STRADA: variants seen among roughly 807,000 people sequenced by gnomAD.
The protein encoded by STRADA is STE20-related kinase adapter protein alpha.
Under a neutral mutation model 55.0 loss-of-function variants are expected in STRADA, and 26 were observed. The ratio of observed to expected loss-of-function variants is 0.47; its 90% confidence interval spans 0.35 to 0.66. The LOEUF is 0.66. Ranked by LOEUF, STRADA falls within the 30% of genes least tolerant of loss-of-function variation. The pLI is 0.01. For missense variants in STRADA, 443 were observed against 549.7 expected, an observed-to-expected ratio of 0.81 and a Z score of 1.94; for synonymous variants, 197 against 210.9, an observed-to-expected ratio of 0.93 and a Z score of 0.57.
At chr17:63,713,262 G>T in intron 6 of STRADA, 144 bp downstream of exon 6, 1 of 1,089,338 alleles carries the variant, frequency 9.2e-7, no homozygotes, top group Non-Finnish European at 1.3e-6. Context: ...CCAATCCTTA[G>T]TGCCAAATGG....
rs750988968 is a variant in STRADA, at chr17:63,703,970, C to A, written c.1143+35G>T. ...GGATTGTGAGTTGTTAGAACCAGAA[C>A]TAGAACCAGAACCAGAACGAAGGGG... On this transcript the variant is annotated intron_variant, in intron 12 of 12. Coordinates refer to ENST00000336174, the MANE Select transcript of STRADA (RefSeq NM_001003787.4). 8.1e-6 allele frequency: 13 copies of A among 1,601,606 alleles called. No individual in the cohort carries two copies. The African/African-American group carries it at 1.8e-4, about 22-fold the overall frequency.
intron 1 of STRADA, among the ~76,000 whole-genome samples, chr17:63,738,499 G>T (rs1211285593): frequency 2.6e-5 from 4 of 152,052 alleles, no homozygotes; most frequent in African/African-American, 9.7e-5. Flanking sequence ...CCTGTCAGTG[G>T]AAAGTCTAAA....
At chr17:63,706,599 G>A (rs1395430347) in intron 10 of STRADA, 36 bp downstream of exon 10, 4 of 1,499,536 alleles carry the variant, frequency 2.7e-6, no homozygotes, top group Non-Finnish European at 3.7e-6. Flanking sequence ...TGGAAGGCAA[G>A]CAGGCAAGAA....
At chr17:63,707,779 G>A (rs1472081689) in intron 8 of STRADA, among the ~76,000 whole-genome samples, 3 of 151,062 alleles carry the variant, frequency 2.0e-5, no homozygotes, top group Non-Finnish European at 4.4e-5. Flanking sequence ...CGCACAGACT[G>A]GAGTGTAGTG....
chr17:63,740,147 T>TATATAC (rs1401201419), intron 1 of STRADA, among the ~76,000 whole-genome samples: 2 of 67,010 alleles, frequency 3.0e-5, no homozygotes, highest in African/African-American at 6.9e-5. Flanking sequence ...TATATATATA[T>TATATAC]ACACACACAC....
At chr17:63,703,911 C>G (rs983363758) in intron 12 of STRADA, 94 bp downstream of exon 12, 6 of 1,606,882 alleles carry the variant, frequency 3.7e-6, no homozygotes, top group Non-Finnish European at 2.5e-6. Context: ...GGGGTAGTTT[C>G]TCTCATTCAA....
intron 1 of STRADA, among the ~76,000 whole-genome samples, chr17:63,729,733 G>A (rs946753157): frequency 1.3e-5 from 2 of 151,638 alleles, no homozygotes; most frequent in African/African-American, 4.8e-5. Context: ...AGGTTGCAGT[G>A]AGCCAAGGTC....
intron 8 of STRADA, among the ~76,000 whole-genome samples, chr17:63,709,987 C>A (rs1249052735): frequency 1.3e-5 from 2 of 151,958 alleles, no homozygotes; most frequent in East Asian, 3.9e-4. Context: ...GGCTAAGTGA[C>A]CATCTCCCAA....
intron 1 of STRADA, among the ~76,000 whole-genome samples, chr17:63,740,111 TAC>T (rs763343251): frequency 0.012 from 879 of 76,188 alleles, 105 homozygotes; most frequent in African/African-American, 0.048. Flanking sequence ...TATATATACA[TAC>T]ATACATATAT....
intron 8 of STRADA, 41 bp from the exon 9 acceptor site, chr17:63,707,459 C>T: frequency 6.2e-7 from 1 of 1,600,408 alleles, no homozygotes; most frequent in Non-Finnish European, 8.6e-7. Flanking sequence ...AGCAGGAGCC[C>T]CTCCTGCTAC....
At chr17:63,737,279 T>G (rs1445428341) in intron 1 of STRADA, 7 of 63,418 alleles carry the variant, frequency 1.1e-4, no homozygotes, top group South Asian at 3.8e-4. Context: ...AAAAAAAAAT[T>G]GAGATAGTTC....
At chr17:63,705,934 C>T (rs1287568796) in intron 10 of STRADA, 4 of 152,174 alleles carry the variant, frequency 2.6e-5, no homozygotes, top group African/African-American at 9.7e-5. Flanking sequence ...CTCCAGCTGC[C>T]CCTACCACCG....
intron 1 of STRADA, among the ~76,000 whole-genome samples, chr17:63,734,095 C>A (rs1167927862): frequency 6.6e-6 from 1 of 152,130 alleles, no homozygotes; most frequent in African/African-American, 2.4e-5. Context: ...TACAGGGATA[C>A]CTGAAGGAAA....
Position 63,726,641 on chromosome 17 carries a change from CA to C in STRADA, c.90del (p.Phe30LeufsTer21). 6.2e-7 allele frequency: 1 copy of C among 1,614,034 alleles called. No homozygotes were observed. The highest frequency in any genetic ancestry group is 2.2e-5 in the East Asian group (1 of 44,858). On this transcript the variant is annotated frameshift_variant, in exon 3 of 13. Coordinates refer to ENST00000336174, the MANE Select transcript of STRADA (RefSeq NM_001003787.4). LOFTEE classifies it high-confidence loss of function. Reference protein sequence around the residue: ...IVEGLRDLELFGEQPPGDTRR... With the variant: ...IVEGLRDLELXGEQPPGDTRR... ...CTAAATGCCATACTGTACTTACCTC[CA>C]AATAGTTCCAAATCTCTTAAGCCCT...
chr17:63,718,722 C>CT (rs1384196263), intron 4 of STRADA: 1 of 152,224 alleles, frequency 6.6e-6, no homozygotes, highest in Admixed American at 6.6e-5. Flanking sequence ...CTTGCACTAA[C>CT]TGTCCCTTTG....
At chr17:63,710,689 C>T in intron 7 of STRADA, 39 bp downstream of exon 7, 1 of 1,613,884 alleles carries the variant, frequency 6.2e-7, no homozygotes, top group Non-Finnish European at 8.5e-7. Context: ...CAACAGAGTC[C>T]CAATAACCCC....
Position 63,704,581 on chromosome 17 carries a change from A to G in STRADA, c.860T>C (p.Met287Thr). 1 of 1,313,886 alleles carries G rather than the reference A, an allele frequency of 7.6e-7. No individual in the cohort carries two copies. The highest frequency in any genetic ancestry group is 9.9e-7 in the Non-Finnish European group (1 of 1,015,096). 81.4% of individuals were successfully genotyped at this position (1,313,886 alleles called of 1,614,324 possible). The part of the protein sequence containing the change: ...VPFKDMPATQ[M>T]LLEKLNGTVP... ...TGTGCCGTTCAGTTTCTCTAGCAGCATCTGGGGAGGACAGAACCAGGACCT... is the reference window on the plus strand; with the variant it reads ...TGTGCCGTTCAGTTTCTCTAGCAGCGTCTGGGGAGGACAGAACCAGGACCT... The change falls in exon 11 of 13, where the codon ATG becomes ACG. Residue 287 changes from methionine to threonine, a missense_variant and splice_region_variant. Met to Thr is a moderately conservative substitution (Grantham distance 81, BLOSUM62 -1). Transcript: ENST00000336174.
At chr17:63,723,486 C>T in intron 3 of STRADA, 160 bp from the exon 4 acceptor site, 3 of 687,754 alleles carry the variant, frequency 4.4e-6, no homozygotes, top group Non-Finnish European at 7.7e-6. Flanking sequence ...TAAACACACA[C>T]AGATCCACAG....
chr17:63,724,458 T>G (rs1195193992), intron 3 of STRADA, among the ~76,000 whole-genome samples: 1 of 151,896 alleles, frequency 6.6e-6, no homozygotes, highest in African/African-American at 2.4e-5. Flanking sequence ...TTTTTTTTTT[T>G]TGAGACGGAG....
Sources: gnomAD v4.1 joint callset for allele counts (sites outside exome capture counted in the v4.1 genomes callset) on GRCh38, gnomAD v4.1.1 for gene constraint, MANE v1.5 for transcripts, NCBI Gene and HGNC (gene_info 2026-07-23, HGNC 2026-07-21) for gene names.